ATG16L1: variants seen among roughly 807,000 people sequenced by gnomAD.
The protein encoded by ATG16L1 is autophagy-related protein 16-1.
Under a neutral mutation model 88.5 loss-of-function variants are expected in ATG16L1, and 37 were observed. The observed-to-expected ratio is 0.42, with a 90% CI of 0.32 to 0.55. The LOEUF (loss-of-function observed/expected upper bound fraction) is 0.55. ATG16L1 is among the 20% of genes least tolerant of loss of function. The pLI is 0.13. For synonymous variants in ATG16L1, 301 were observed against 281.0 expected, an observed-to-expected ratio of 1.07 and a Z score of -0.71; for missense variants, 554 against 752.8, an observed-to-expected ratio of 0.74 and a Z score of 3.09.
chr2:233,273,334 G>T, intron 7 of ATG16L1: 2 of 500,880 alleles, frequency 4.0e-6, no homozygotes. Flanking sequence ...CAGAATGATT[G>T]TTTAGGTTTG....
intron 2 of ATG16L1, among the ~76,000 whole-genome samples, chr2:233,258,565 C>G (rs1344421121): frequency 2.6e-5 from 4 of 152,154 alleles, no homozygotes; most frequent in African/African-American, 9.7e-5. Context: ...CCATTTTCGT[C>G]TAAATTCATC....
intron 1 of ATG16L1, among the ~76,000 whole-genome samples, chr2:233,254,934 T>A (rs878946528): frequency 6.6e-6 from 1 of 152,020 alleles, no homozygotes; most frequent in Admixed American, 6.6e-5. Flanking sequence ...GGTGCCTGTG[T>A]ACCTATTACT....
At chr2:233,279,799 C>A (rs1022306131) in intron 10 of ATG16L1, among the ~76,000 whole-genome samples, 1 of 151,726 alleles carries the variant, frequency 6.6e-6, no homozygotes, top group African/African-American at 2.4e-5. Flanking sequence ...AGTTTTAATA[C>A]GGTCTTTGTT....
Position 233,264,082 on chromosome 2 carries a change from C to T in ATG16L1, c.389+17C>T. 2 of 1,613,592 alleles carry T rather than the reference C, an allele frequency of 1.2e-6. No homozygotes were observed. Among genetic ancestry groups the T allele is most frequent in the South Asian group, 1.1e-5 (1 of 91,060 alleles). On this transcript the variant is annotated intron_variant, in intron 4 of 17. Transcript: ENST00000392017. ...TGAAGCAAAGTGAGTAGAGACCCCGCCTCCTTGGAGCCTGGTCATTGGGTC... is the reference window on the plus strand; with the variant it reads ...TGAAGCAAAGTGAGTAGAGACCCCGTCTCCTTGGAGCCTGGTCATTGGGTC...
chr2:233,272,005 T>A (rs1052167670), intron 6 of ATG16L1, among the ~76,000 whole-genome samples: 3 of 152,264 alleles, frequency 2.0e-5, no homozygotes, highest in Non-Finnish European at 4.4e-5. Context: ...TTTAACTTGC[T>A]TAGTAACAGG....
At chr2:233,273,126 A>G (rs1698104687) in intron 7 of ATG16L1, 74 bp downstream of exon 7, 1 of 1,292,936 alleles carries the variant, frequency 7.7e-7, no homozygotes, top group Non-Finnish European at 1.1e-6. Context: ...GGACATGACA[A>G]AGAATGCAGT....
At chr2:233,258,498 C>T (rs1267632467) in intron 2 of ATG16L1, among the ~76,000 whole-genome samples, 2 of 152,194 alleles carry the variant, frequency 1.3e-5, no homozygotes, top group Non-Finnish European at 2.9e-5. Context: ...TTCTGTAGTA[C>T]TTAAGATATT....
In ATG16L1 at chr2:233,293,301, G is replaced by A. The variant is rs546459716; in HGVS notation, c.1674G>A (p.Leu558=). ...CGGCAGGCTCTGCTGAGGGCTCTCT[G>A]TATATCTGGAGTGTGCTCACAGGGA... ...YVAAGSAEGS[L]YIWSVLTGKV... The change falls in exon 17 of 18, where the codon CTG becomes CTA. Residue 558 remains leucine (L), a synonymous_variant. Coordinates refer to ENST00000392017, the MANE Select transcript of ATG16L1 (RefSeq NM_030803.7). 3.7e-4 allele frequency: 597 copies of A among 1,614,204 alleles called. 9 individuals carry two copies. In the South Asian group the frequency reaches 6.2e-3, roughly 17 times the overall value.
chr2:233,252,354 C>A (rs1245581397), intron 1 of ATG16L1, among the ~76,000 whole-genome samples: 1 of 152,210 alleles, frequency 6.6e-6, no homozygotes, highest in East Asian at 1.9e-4. Context: ...AAACTTACTT[C>A]CCTTACTCCA....
rs376442964 is a variant in ATG16L1, at chr2:233,265,456, C to T, written c.641+313C>T. ...GAATATAGATGTGAAATTCCTAAAT[C>T]AGACTCATTGATAGATTTTTATTTA... On this transcript the variant is annotated intron_variant, in intron 5 of 17. Transcript: ENST00000392017. Among the ~76,000 whole-genome samples the T allele has an allele frequency of 1.6e-4, 25 of 152,214 alleles. No individual in the cohort carries two copies. In the South Asian group the frequency reaches 5.0e-3, roughly 30 times the overall value.
intron 14 of ATG16L1, 91 bp downstream of exon 14, chr2:233,290,444 T>C: frequency 9.6e-7 from 1 of 1,040,570 alleles, no homozygotes. Context: ...TCTCAGGACA[T>C]GGCAGAAATG....
At chr2:233,286,711 T>C (rs1195504151) in intron 12 of ATG16L1, among the ~76,000 whole-genome samples, 4 of 149,580 alleles carry the variant, frequency 2.7e-5, no homozygotes, top group African/African-American at 7.5e-5. Context: ...CTGCAAGCTC[T>C]GCCTCCTGGG....
chr2:233,282,540 G>A (rs1023862376), intron 11 of ATG16L1, 142 bp from the exon 12 acceptor site: 11 of 713,974 alleles, frequency 1.5e-5, no homozygotes, highest in Admixed American at 8.8e-5. Flanking sequence ...GCACACTCAC[G>A]ACAGTAGCTG....
intron 9 of ATG16L1, among the ~76,000 whole-genome samples, chr2:233,276,919 T>C (rs895703046): frequency 2.6e-5 from 4 of 152,232 alleles, no homozygotes; most frequent in African/African-American, 9.6e-5. Context: ...CTAAGGCTTA[T>C]GCATTAACAG....
At chr2:233,252,022 C>CGGAGT in intron 1 of ATG16L1, 80 bp downstream of exon 1, 2 of 1,291,440 alleles carry the variant, frequency 1.5e-6, no homozygotes, top group Non-Finnish European at 2.0e-6. Flanking sequence ...GAACCTGAGG[C>CGGAGT]CGAGTCCCTG....
At position 233,292,228 on chromosome 2, in the gene ATG16L1, T is replaced by C. The variant is rs1264075662; in HGVS notation, c.1531T>C (p.Leu511=). Residue 511 remains leucine (L), a synonymous_variant, in exon 15 of 18, where the codon TTG becomes CTG. Transcript: ENST00000392017. The stretch of plus-strand genomic sequence containing the variant: ...GCTCCTGAGCTGCTCCCGTGATGAC[T>C]TGCTAAAAGTTATTGATCTCCGAAC... The part of the protein sequence containing the change: ...TELLSCSRDD[L]LKVIDLRTNA... 1.2e-6 allele frequency: 2 copies of C among 1,614,108 alleles called. No homozygotes were observed. Among genetic ancestry groups the C allele is most frequent in the South Asian group, 2.2e-5 (2 of 91,090 alleles).
At chr2:233,259,923 A>T (rs954524873) in intron 2 of ATG16L1, among the ~76,000 whole-genome samples, 8 of 152,214 alleles carry the variant, frequency 5.3e-5, no homozygotes, top group African/African-American at 9.6e-5. Context: ...TTCACTCAAA[A>T]GACTCCTGTG....
intron 10 of ATG16L1, among the ~76,000 whole-genome samples, chr2:233,280,062 C>G (rs1469947540): frequency 6.6e-6 from 1 of 152,132 alleles, no homozygotes; most frequent in Non-Finnish European, 1.5e-5. Flanking sequence ...ATTAAATATG[C>G]TGTATTTTGC....
chr2:233,264,095 T>C (rs1697399299), intron 4 of ATG16L1, 30 bp downstream of exon 4: 2 of 1,610,844 alleles, frequency 1.2e-6, no homozygotes, highest in East Asian at 2.2e-5. Flanking sequence ...CCTTGGAGCC[T>C]GGTCATTGGG....
Sources: gnomAD v4.1 joint callset for allele counts (sites outside exome capture counted in the v4.1 genomes callset) on GRCh38, gnomAD v4.1.1 for gene constraint, MANE v1.5 for transcripts, NCBI Gene and HGNC (gene_info 2026-07-23, HGNC 2026-07-21) for gene names.